Variants in GRIK3 observed in about 807,000 individuals in gnomAD.
The protein encoded by GRIK3 is glutamate ionotropic receptor kainate type subunit 3, also known as glutamate receptor ionotropic, kainate 3.
Under a neutral mutation model 102.5 loss-of-function variants are expected in GRIK3, and 29 were observed. The observed-to-expected ratio is 0.28, with a 90% CI of 0.21 to 0.39. The LOEUF (loss-of-function observed/expected upper bound fraction) is 0.39. Ranked by LOEUF, GRIK3 falls within the 10% of genes least tolerant of loss-of-function variation. GRIK3 has a pLI of 1.00. For synonymous variants in GRIK3, 511 were observed against 504.9 expected (o/e 1.01, Z -0.16); for missense variants, 908 against 1,252.4 (o/e 0.73, Z 4.15).
chr1:36,801,888 A>G lies in GRIK3; in HGVS notation c.2723T>C (p.Met908Thr). 1.2e-6 allele frequency: 2 copies of G among 1,612,792 alleles called. No individual in the cohort carries two copies. Among genetic ancestry groups the G allele is most frequent in the South Asian group, 1.1e-5 (1 of 90,838 alleles). The change falls in exon 16 of 16, where the codon ATG becomes ACG. Residue 908 changes from methionine (M) to threonine (T), a missense_variant. This residue lies in a region of GRIK3 where 297 missense variants were observed against 362.7 expected (regional missense o/e 0.82). Transcript: ENST00000373091. The part of the protein sequence containing the change: ...NDRRLPGKDS[M>T]ACSTSLAPVF... ...AGGGGCTAAGGATGTGCTGCAGGCC[A>G]TGCTGTCCTTGCCGGGAAGCCGGCG...
intron 1 of GRIK3, among the ~76,000 whole-genome samples, chr1:37,016,032 C>T (rs895560396): frequency 6.6e-6 from 1 of 152,240 alleles, no homozygotes; most frequent in African/African-American, 2.4e-5. Context: ...ACCCAAGAGA[C>T]ACACAGCAGC....
chr1:36,893,735 T>C (rs1401101227), intron 1 of GRIK3, among the ~76,000 whole-genome samples: 22 of 152,194 alleles, frequency 1.4e-4, no homozygotes, highest in Admixed American at 1.2e-3. Context: ...GGATCATGTA[T>C]GGGGAAGGAG....
chr1:36,819,410 T>G lies in GRIK3; in HGVS notation c.1873+326A>C, dbSNP rs1392542695. Among the ~76,000 whole-genome samples, 1 of 152,170 alleles carries G rather than the reference T, an allele frequency of 6.6e-6. No homozygotes were observed. The highest frequency in any genetic ancestry group is 1.5e-5 in the Non-Finnish European group (1 of 68,018). The stretch of plus-strand genomic sequence containing the variant: ...GCTGGATTGTGTGGTGATGAGGCCA[T>G]GGGCAGGGTCAGCCGCAGCCAGCAG... On this transcript the variant is annotated intron_variant, in intron 12 of 15. Transcript: ENST00000373091. The surrounding 1 kb of genome is among the most constrained non-coding windows in gnomAD (Gnocchi z 4.1).
At chr1:36,829,375 A>C (rs771779256) in intron 10 of GRIK3, among the ~76,000 whole-genome samples, 1 of 151,746 alleles carries the variant, frequency 6.6e-6, no homozygotes, top group Non-Finnish European at 1.5e-5. Flanking sequence ...CGAGGAATAC[A>C]TCTATTCCAA....
rs1642505908 is a variant in GRIK3, at chr1:36,806,734, T to C, written c.2092-408A>G. 6.6e-6 allele frequency among the ~76,000 whole-genome samples: 1 copy of C among 152,162 alleles called. No homozygotes were observed. The highest frequency in any genetic ancestry group is 1.5e-5 in the Non-Finnish European group (1 of 68,036). ...GGCAGGCACCATCACAAGCCCCATT[T>C]TACAAATAAAAAGATTGAGGCACAG... On this transcript the variant is annotated intron_variant, in intron 13 of 15. Transcript: ENST00000373091. The surrounding 1 kb of genome is among the most constrained non-coding windows in gnomAD (Gnocchi z 4.0).
chr1:36,985,429 G>A (rs775136929), intron 1 of GRIK3, among the ~76,000 whole-genome samples: 1 of 151,898 alleles, frequency 6.6e-6, no homozygotes. Flanking sequence ...GCCATCATTC[G>A]GGGACATGGG....
chr1:36,971,192 T>C (rs1366029119), intron 1 of GRIK3, among the ~76,000 whole-genome samples: 2 of 152,168 alleles, frequency 1.3e-5, no homozygotes, highest in Non-Finnish European at 2.9e-5. Context: ...CTCCAAGACA[T>C]AGAGATGGGC....
In GRIK3 at chr1:36,953,523, C is replaced by T. The variant is rs540553072; in HGVS notation, c.116-62427G>A. ...ATTGAAGGGTGAGGGCTAGGGCATA[C>T]GTAAGGAGAAGAGCTTAGGTGGTGA... is the stretch of plus-strand genomic sequence containing the variant. On this transcript the variant is annotated intron_variant, in intron 1 of 15. Coordinates refer to ENST00000373091, the MANE Select transcript of GRIK3 (RefSeq NM_000831.4). Among the ~76,000 whole-genome samples, 8 of 152,068 alleles carry T rather than the reference C, an allele frequency of 5.3e-5. No individual in the cohort carries two copies. In the Middle Eastern group the frequency reaches 0.01, roughly 194 times the overall value.
At chr1:36,951,466 G>A (rs987891953) in intron 1 of GRIK3, among the ~76,000 whole-genome samples, 6 of 152,180 alleles carry the variant, frequency 3.9e-5, no homozygotes, top group Admixed American at 1.3e-4. Flanking sequence ...GGGTGGCCAC[G>A]TGACTGCTGG....
At chr1:36,844,091 C>G (rs1486079614) in intron 9 of GRIK3, among the ~76,000 whole-genome samples, 3 of 152,214 alleles carry the variant, frequency 2.0e-5, no homozygotes, top group African/African-American at 7.2e-5. Context: ...TCTCTCCCAG[C>G]AGTGCTACTT....
At chr1:36,907,924 G>A (rs1641302355) in intron 1 of GRIK3, among the ~76,000 whole-genome samples, 2 of 152,084 alleles carry the variant, frequency 1.3e-5, no homozygotes, top group Non-Finnish European at 2.9e-5. Flanking sequence ...AGGCCCCCTT[G>A]CCCAGGAGGA....
At chr1:36,954,712 C>A in intron 1 of GRIK3, among the ~76,000 whole-genome samples, 1 of 152,012 alleles carries the variant, frequency 6.6e-6, no homozygotes, top group East Asian at 1.9e-4. Flanking sequence ...GGTCCACACA[C>A]ACGCAGAGAA....
intron 5 of GRIK3, among the ~76,000 whole-genome samples, chr1:36,860,637 G>A (rs1158260720): frequency 2.6e-5 from 4 of 152,316 alleles, no homozygotes; most frequent in East Asian, 3.9e-4. Flanking sequence ...GGGTCTCAAC[G>A]CAGGTGAGGC....
chr1:37,005,691 G>A (rs529033654), intron 1 of GRIK3, among the ~76,000 whole-genome samples: 65 of 152,318 alleles, frequency 4.3e-4, no homozygotes, highest in African/African-American at 1.5e-3. Flanking sequence ...TCATGGCATC[G>A]TTTGTTCACT....
intron 7 of GRIK3, among the ~76,000 whole-genome samples, chr1:36,856,881 G>A (rs927821908): frequency 6.6e-6 from 1 of 152,084 alleles, no homozygotes; most frequent in African/African-American, 2.4e-5. Flanking sequence ...GTGGCCTGGA[G>A]ACCTGGTAGT....
chr1:36,871,254 T>TC (rs1557709116), intron 4 of GRIK3, among the ~76,000 whole-genome samples: 1 of 152,156 alleles, frequency 6.6e-6, no homozygotes, highest in East Asian at 1.9e-4. Context: ...TAAAGGAGCT[T>TC]CCTTTGTGAG....
At position 36,813,850 on chromosome 1, in the gene GRIK3, G is replaced by C. The variant is rs141881521; in HGVS notation, c.2091+3210C>G. ...TTCTCCAATATGTAACAGTCCCATT[G>C]CTGCTGCTGATGACAGGGAGTCTGG... On this transcript the variant is annotated intron_variant, in intron 13 of 15. Transcript: ENST00000373091. Among the ~76,000 whole-genome samples the C allele has an allele frequency of 1.8e-3, 281 of 152,282 alleles. 3 individuals carry two copies. In the East Asian group the frequency reaches 0.027, roughly 15 times the overall value.
rs374019916 is a variant in GRIK3 at position 37,032,696 on chromosome 1, C to G, written c.115+1298G>C. 5.3e-5 allele frequency among the ~76,000 whole-genome samples: 8 copies of G among 152,314 alleles called. No individual in the cohort carries two copies. In the South Asian group the frequency reaches 1.2e-3, roughly 24 times the overall value. ...GTGCTGGTGTTTGCCTGCCAGGGTC[C>G]TGGGCATGGACCGAAAGATCTCAGC... On this transcript the variant is annotated intron_variant, in intron 1 of 15. Coordinates refer to ENST00000373091, the MANE Select transcript of GRIK3 (RefSeq NM_000831.4).
intron 2 of GRIK3, 28 bp downstream of exon 2, chr1:36,890,892 A>C: frequency 1.9e-6 from 3 of 1,550,428 alleles, no homozygotes; most frequent in Non-Finnish European, 2.6e-6. Context: ...GGCTGGGAAG[A>C]GAACAGAGGC....
Sources: gnomAD v4.1 joint callset for allele counts (sites outside exome capture counted in the v4.1 genomes callset) on GRCh38, gnomAD v4.1.1 for gene constraint, gnomAD v4.1.1 regional missense constraint, Gnocchi (gnomAD v3.1) non-coding constraint, MANE v1.5 for transcripts, NCBI Gene and HGNC (gene_info 2026-07-23, HGNC 2026-07-21) for gene names.